Variants in GREP1 observed in about 807,000 individuals in gnomAD.
GREP1 encodes the protein glycine rich extracellular protein 1.
intron 22 of GREP1, chr16:2,997,554 G>C: frequency 2.5e-6 from 1 of 398,036 alleles, no homozygotes; most frequent in Non-Finnish European, 4.4e-6. Context: ...GAGAGGAGGC[G>C]GCACAAGGGG....
intron 27 of GREP1, 111 bp from the exon 25 acceptor site, chr16:2,999,791 T>C (rs2072449473): frequency 2.5e-6 from 1 of 398,570 alleles, no homozygotes. Flanking sequence ...CCATTCCCTG[T>C]GGACAGGAAA....
At position 2,991,005 on chromosome 16, in the gene GREP1, C is replaced by A. The variant is rs1369467349; in HGVS notation, c.269-43C>A. On this transcript the variant is annotated intron_variant, in intron 7 of 34. Transcript: ENST00000573315. The surrounding 1 kb of genome is among the most constrained non-coding windows in gnomAD (Gnocchi z 4.9). ...CCTCTGTCTCTGTCTCTGCTTGACGCCCCATTCCCCCTCCTCATGTCCCTC... is the reference window on the plus strand; with the variant it reads ...CCTCTGTCTCTGTCTCTGCTTGACGACCCATTCCCCCTCCTCATGTCCCTC... 11 of 399,266 alleles carry A rather than the reference C, an allele frequency of 2.8e-5. No homozygotes were observed. The East Asian group carries it at 3.9e-4, about 14-fold the overall frequency. 24.7% of individuals were successfully genotyped at this position (399,266 alleles called of 1,614,324 possible).
At chr16:2,994,877 A>C (rs11859529) in intron 12 of GREP1, 39 bp downstream of exon 13, 27,577 of 398,850 alleles carry the variant, frequency 0.069, 3,675 homozygotes, top group African/African-American at 0.37. Context: ...CCTCCCCAAA[A>C]CCTGAGCTCC....
exon 26 of GREP1, chr16:2,998,872 C>T (rs1354532145): frequency 1.5e-5 from 6 of 399,020 alleles, no homozygotes; most frequent in Non-Finnish European, 2.2e-5. Context: ...AGGGTCGCTC[C>T]GATGCTCCTC....
chr16:2,998,435 C>T (rs989713420), intron 24 of GREP1, 47 bp downstream of exon 22: 3 of 399,240 alleles, frequency 7.5e-6, no homozygotes, highest in Admixed American at 8.8e-5. Flanking sequence ...TTCTGCCTCT[C>T]AGCCCTTCTA....
Position 3,000,079 on chromosome 16 carries a change from C to T in GREP1, c.1232-7C>T, listed in dbSNP as rs942095802. On this transcript the variant is annotated splice_region_variant and splice_polypyrimidine_tract_variant and intron_variant, in intron 28 of 34. Transcript: ENST00000573315. ...CCATCTCTGAGTCACAGTTTTCTCTCCCCCAGGTTTTAATGGTGGCCTCGA... is the reference window on the plus strand; with the variant it reads ...CCATCTCTGAGTCACAGTTTTCTCTTCCCCAGGTTTTAATGGTGGCCTCGA... 51 of 398,880 alleles carry T rather than the reference C, an allele frequency of 1.3e-4. No individual in the cohort carries two copies. The highest frequency in any genetic ancestry group is 9.9e-4 in the African/African-American group (48 of 48,618). The allele number at this position is 398,880 out of a possible 1,614,324, so 24.7% of individuals were successfully genotyped here. A position where few individuals can be genotyped will look rare whatever the true frequency, so the allele number is the denominator to read the frequency against.
At chr16:2,994,290 T>C (rs1260914157) in intron 10 of GREP1, 1 of 153,960 alleles carries the variant, frequency 6.5e-6, no homozygotes, top group Non-Finnish European at 1.4e-5. Context: ...GGCGGATCAC[T>C]TGAGGTCAGG....
intron 34 of GREP1, 89 bp downstream of exon 28, chr16:3,001,423 G>A: frequency 2.5e-6 from 1 of 399,148 alleles, no homozygotes; most frequent in Non-Finnish European, 4.4e-6. Context: ...CCAGCCCTTG[G>A]GAAGGATAGC....
At chr16:2,988,646 G>A (rs1350244609) in intron 2 of GREP1, 24 bp downstream of exon 2, 4 of 399,104 alleles carry the variant, frequency 1.0e-5, no homozygotes, top group African/African-American at 8.2e-5. Context: ...CTGGCACTGG[G>A]GTCAGGAAGA....
intron 7 of GREP1, among the ~76,000 whole-genome samples, 189 bp downstream of exon 6, chr16:2,990,776 C>G (rs1567396646): frequency 6.6e-6 from 1 of 152,150 alleles, no homozygotes; most frequent in Non-Finnish European, 1.5e-5. Context: ...GTGAGGAGTT[C>G]TGATGTCTGG....
chr16:2,996,998 G>C, exon 21 of GREP1: 1 of 399,314 alleles, frequency 2.5e-6, no homozygotes, highest in Non-Finnish European at 4.4e-6. Flanking sequence ...TGGGGTTCCA[G>C]GAGGTCCAGA....
At chr16:2,993,089 G>A in intron 10 of GREP1, 126 bp downstream of exon 11, 1 of 396,252 alleles carries the variant, frequency 2.5e-6, no homozygotes, top group Non-Finnish European at 4.4e-6. Flanking sequence ...GGAATGGGTG[G>A]GGAGTCGGGG....
intron 1 of GREP1, 33 bp from the exon 2 acceptor site, chr16:2,988,557 C>T: frequency 5.0e-6 from 2 of 399,186 alleles, no homozygotes; most frequent in Non-Finnish European, 8.8e-6. Context: ...CTGGGGTCCC[C>T]AGCCTTGAGT....
At chr16:2,998,616 T>A (rs937485862) in intron 25 of GREP1, 93 bp downstream of exon 23, 2 of 398,482 alleles carry the variant, frequency 5.0e-6, no homozygotes, top group Non-Finnish European at 8.8e-6. Context: ...GCCCCATCCC[T>A]GCCAGATCCC....
At chr16:2,996,752 G>C (rs2151103821) in intron 20 of GREP1, 47 bp downstream of exon 19, 1 of 398,858 alleles carries the variant, frequency 2.5e-6, no homozygotes. Flanking sequence ...CTAGATCCTG[G>C]TGTTCTAGCT....
rs1596461640 is a variant in GREP1, at chr16:2,992,631, G to A, written c.323-174G>A. ...AAGGGTGGCCACGGTCTGGACTCCCGGGCCAAGAACCAAATCCAACTTTGA... is the reference window on the plus strand; with the variant it reads ...AAGGGTGGCCACGGTCTGGACTCCCAGGCCAAGAACCAAATCCAACTTTGA... On this transcript the variant is annotated intron_variant, in intron 8 of 34. Transcript: ENST00000573315. The surrounding 1 kb of genome is among the most constrained non-coding windows in gnomAD (Gnocchi z 4.9). The A allele has an allele frequency of 2.0e-5, 8 of 393,896 alleles. No homozygotes were observed. The highest frequency in any genetic ancestry group is 3.6e-5 in the Non-Finnish European group (8 of 223,554). 24.4% of individuals were successfully genotyped at this position (393,896 alleles called of 1,614,324 possible).
Position 2,989,323 on chromosome 16 carries a change from C to A in GREP1, c.101-200C>A. On this transcript the variant is annotated intron_variant, in intron 2 of 34. Coordinates refer to ENST00000573315, the Ensembl canonical transcript of GREP1. This position sits in a 1 kb window ranked among gnomAD's most constrained non-coding sequence, Gnocchi z 4.2. ...TCCTGTGACAGCAGGGAAACTGAGA[C>A]CTGGAAAGGGAGGTGGCATCCAGAT... The A allele has an allele frequency of 5.0e-6, 2 of 396,074 alleles. No homozygotes were observed. The highest frequency in any genetic ancestry group is 8.9e-6 in the Non-Finnish European group (2 of 224,858). The allele number at this position is 396,074 out of a possible 1,614,324, so 24.5% of individuals were successfully genotyped here.
chr16:2,995,425 A>C (rs1288951131), exon 15 of GREP1: 2 of 398,674 alleles, frequency 5.0e-6, no homozygotes, highest in Non-Finnish European at 4.4e-6. Context: ...GAATGGGCTG[A>C]GTGCTCAGCC....
rs1596463939 is a variant in GREP1, at chr16:3,001,671, C to G, written c.*85C>G. The G allele has an allele frequency of 1.0e-5, 4 of 399,088 alleles. No individual in the cohort carries two copies. In the East Asian group the frequency reaches 1.1e-4, roughly 11 times the overall value. 24.7% of individuals were successfully genotyped at this position (399,088 alleles called of 1,614,324 possible). A position where few individuals can be genotyped will look rare whatever the true frequency, so the allele number is the denominator to read the frequency against. On this transcript the variant is annotated 3_prime_UTR_variant, in exon 35 of 35. Transcript: ENST00000573315. ...GTGCTGCCTGGCCGGGGGTCTCCTC[C>G]ATGCTAGAACCACAAACGTGCTTCC...
Sources: gnomAD v4.1 joint callset for allele counts (sites outside exome capture counted in the v4.1 genomes callset) on GRCh38, gnomAD v4.1.1 for gene constraint, Gnocchi (gnomAD v3.1) non-coding constraint, MANE v1.5 for transcripts, NCBI Gene and HGNC (gene_info 2026-07-23, HGNC 2026-07-21) for gene names.